The following OTOA variants were observed in gnomAD, a reference collection of about 807,000 sequenced individuals.
OTOA encodes the protein otoancorin.
Under a neutral mutation model 110.8 loss-of-function variants are expected in OTOA, and 70 were observed. The observed-to-expected ratio is 0.63, with a 90% confidence interval of 0.52 to 0.77. The LOEUF (loss-of-function observed/expected upper bound fraction) is 0.77. OTOA is among the 30% of genes least tolerant of loss of function. The pLI, the probability that OTOA is intolerant of heterozygous loss-of-function variation, is 0.00. For synonymous variants in OTOA, 373 were observed against 431.5 expected (o/e 0.86, Z 1.68); for missense variants, 917 against 1,075.8 (o/e 0.85, Z 2.06).
At chr16:21,691,873 C>T (rs560504602) in intron 9 of OTOA, among the ~76,000 whole-genome samples, 186 bp downstream of exon 9, 1 of 152,254 alleles carries the variant, frequency 6.6e-6, no homozygotes, top group Admixed American at 6.5e-5. Context: ...CAATGCAATT[C>T]GCACATGTGG....
chr16:21,702,561 C>G (rs1480537900), intron 11 of OTOA, among the ~76,000 whole-genome samples: 2 of 152,206 alleles, frequency 1.3e-5, no homozygotes, highest in African/African-American at 2.4e-5. Flanking sequence ...CCTCTCTATA[C>G]TTCCGCTTCC....
intron 9 of OTOA, among the ~76,000 whole-genome samples, chr16:21,695,883 A>ATTT (rs1325044183): frequency 4.6e-5 from 2 of 43,778 alleles, no homozygotes; most frequent in African/African-American, 2.5e-4. Context: ...ATATATATAT[A>ATTT]TATATATATT....
chr16:21,677,417 A>C (rs1966860437), intron 1 of OTOA, among the ~76,000 whole-genome samples: 2 of 149,204 alleles, frequency 1.3e-5, no homozygotes, highest in African/African-American at 4.9e-5. Context: ...AGCTAATGTG[A>C]TAATCATTTG....
At chr16:21,709,808 C>A in intron 12 of OTOA, 80 bp from the exon 13 acceptor site, 1 of 1,256,852 alleles carries the variant, frequency 8.0e-7, no homozygotes, top group Non-Finnish European at 1.2e-6. Context: ...GCTGTGGAGT[C>A]CTAATAGCCC....
intron 1 of OTOA, among the ~76,000 whole-genome samples, chr16:21,671,475 T>G (rs1966848931): frequency 6.6e-6 from 1 of 150,880 alleles, no homozygotes. Flanking sequence ...TAATCCTAGC[T>G]ACTCAGGAGG....
intron 7 of OTOA, 40 bp downstream of exon 7, chr16:21,685,401 G>A: frequency 6.2e-7 from 1 of 1,603,062 alleles, no homozygotes. Flanking sequence ...AGGAAGTCCA[G>A]CACCACGTGG....
In OTOA at chr16:21,686,823, G is replaced by T. The variant is rs1597810459; in HGVS notation, c.400-590G>T. ...TGGGAGGATCGCTCAATCCCAGGAGGTTGAGGCTGCAGTGAGCTATAATCA... is the reference window on the plus strand; with the variant it reads ...TGGGAGGATCGCTCAATCCCAGGAGTTTGAGGCTGCAGTGAGCTATAATCA... On this transcript the variant is annotated intron_variant, in intron 7 of 28. Transcript: ENST00000646100. 2.0e-5 allele frequency among the ~76,000 whole-genome samples: 3 copies of T among 152,252 alleles called. No homozygotes were observed. The East Asian group carries it at 5.8e-4, about 29-fold the overall frequency.
chr16:21,685,118 G>T, intron 6 of OTOA, 112 bp from the exon 7 acceptor site: 2 of 1,446,028 alleles, frequency 1.4e-6, no homozygotes, highest in Non-Finnish European at 1.9e-6. Flanking sequence ...CTGGCCACTA[G>T]TTGTGGTCTC....
intron 8 of OTOA, among the ~76,000 whole-genome samples, chr16:21,688,347 C>T (rs1174692481): frequency 6.6e-6 from 1 of 151,976 alleles, no homozygotes; most frequent in Non-Finnish European, 1.5e-5. Context: ...TGGGATCATG[C>T]CACTGCACTC....
intron 6 of OTOA, among the ~76,000 whole-genome samples, chr16:21,684,866 C>G (rs1195669633): frequency 6.6e-6 from 1 of 151,736 alleles, no homozygotes; most frequent in Non-Finnish European, 1.5e-5. Flanking sequence ...ATTCTCCTGC[C>G]TCAGCCTCCC....
chr16:21,731,778 A>G (rs902664549), intron 21 of OTOA, among the ~76,000 whole-genome samples: 4 of 151,886 alleles, frequency 2.6e-5, no homozygotes, highest in African/African-American at 7.3e-5. Context: ...ACATCCACAC[A>G]CTCTCATACC....
chr16:21,712,588 C>T lies in OTOA; in HGVS notation c.1321-2397C>T, dbSNP rs546413052. 4.6e-5 allele frequency among the ~76,000 whole-genome samples: 7 copies of T among 152,056 alleles called. No homozygotes were observed. In the East Asian group the frequency reaches 1.2e-3, roughly 25 times the overall value. On this transcript the variant is annotated intron_variant, in intron 13 of 28. Transcript: ENST00000646100. ...AGGCACGATGGCTCACGCCTGTAAT[C>T]CCAGCACTTTGGGAGGCCGAGACAG...
intron 24 of OTOA, chr16:21,748,916 TGG>T (rs1899729437): frequency 6.8e-6 from 1 of 147,834 alleles, no homozygotes; most frequent in Non-Finnish European, 1.5e-5. Context: ...TACCTGGATA[TGG>T]TCCTTTTCTT....
chr16:21,691,354 T>C (rs1475630930), intron 8 of OTOA, among the ~76,000 whole-genome samples: 1 of 152,106 alleles, frequency 6.6e-6, no homozygotes, highest in Non-Finnish European at 1.5e-5. Flanking sequence ...CTGGGTCAAA[T>C]GGTAATTCTA....
At chr16:21,695,891 A>ATATATATATATTTTTTTTT (rs569493650) in intron 9 of OTOA, among the ~76,000 whole-genome samples, 2 of 41,904 alleles carry the variant, frequency 4.8e-5, no homozygotes, top group African/African-American at 2.9e-4. Context: ...ATATATATAT[A>ATATATATATATTTTTTTTT]TTTTTTTTTT....
At position 21,687,641 on chromosome 16, in the gene OTOA, A is replaced by G. The variant is rs779081096; in HGVS notation, c.628A>G (p.Lys210Glu). ...TCGGGACCTGCGCGAGGATGCCTTTAAGAACCTGTGAGTGGTTCCTCCGAA... is the reference window on the plus strand; with the variant it reads ...TCGGGACCTGCGCGAGGATGCCTTTGAGAACCTGTGAGTGGTTCCTCCGAA... ...LPRDLREDAF[K>E]NLSAVFKDLY... Residue 210 changes from lysine to glutamate, a missense_variant, in exon 8 of 29, where the codon AAG becomes GAG. This residue lies in a region of OTOA where 840 missense variants were observed against 910.2 expected (regional missense o/e 0.92). Coordinates refer to ENST00000646100, the MANE Select transcript of OTOA (RefSeq NM_144672.4). 1 of 1,610,694 alleles carries G rather than the reference A, an allele frequency of 6.2e-7. No homozygotes were observed. The highest frequency in any genetic ancestry group is 8.5e-7 in the Non-Finnish European group (1 of 1,179,182).
At chr16:21,696,262 CAG>C (rs1897938798) in intron 9 of OTOA, among the ~76,000 whole-genome samples, 1 of 151,886 alleles carries the variant, frequency 6.6e-6, no homozygotes, top group Admixed American at 6.6e-5. Flanking sequence ...AACGGGGTGT[CAG>C]AGAGAGTCCT....
chr16:21,722,270 C>CAAAAAAAAAAAAAA (rs575619505), intron 17 of OTOA, among the ~76,000 whole-genome samples: 1 of 106,016 alleles, frequency 9.4e-6, no homozygotes, highest in Non-Finnish European at 2.0e-5. Flanking sequence ...AAAAAAAAAA[C>CAAAAAAAAAAAAAA]AAAAAAAAAA....
At chr16:21,690,273 T>C (rs1317989900) in intron 8 of OTOA, among the ~76,000 whole-genome samples, 1 of 151,972 alleles carries the variant, frequency 6.6e-6, no homozygotes, top group Non-Finnish European at 1.5e-5. Flanking sequence ...TGGTTTGCTG[T>C]ACCTATCAAC....
Sources: allele counts gnomAD v4.1 joint callset (sites outside exome capture counted in the v4.1 genomes callset), GRCh38; gene constraint gnomAD v4.1.1; regional missense constraint gnomAD v4.1.1; transcripts MANE v1.5; gene names NCBI Gene and HGNC (gene_info 2026-07-23, HGNC 2026-07-21).